The following PTGES3 variants were observed in gnomAD, a reference collection of about 807,000 sequenced individuals.
PTGES3 encodes the protein Hsp90 co-chaperone.
In PTGES3, 5 loss-of-function variants were observed where a neutral mutation model predicts 29.9. The ratio of observed to expected loss-of-function variants is 0.17; its 90% CI spans 0.09 to 0.35. The LOEUF (loss-of-function observed/expected upper bound fraction) is 0.35, where lower values mean the gene tolerates loss of function less well. PTGES3 is among the 10% of genes least tolerant of loss of function. PTGES3 has a pLI of 1.00. For missense variants in PTGES3, 128 were observed against 190.0 expected (o/e 0.67, Z 1.92); for synonymous variants, 49 against 57.8 (o/e 0.85, Z 0.69).
chr12:56,666,502 G>T (rs911655927), intron 5 of PTGES3, among the ~76,000 whole-genome samples: 4 of 152,176 alleles, frequency 2.6e-5, no homozygotes, highest in Admixed American at 6.6e-5. Flanking sequence ...AGCTATTCAT[G>T]CAACAGGTTT....
chr12:56,669,635 C>A (rs536219952), intron 5 of PTGES3, among the ~76,000 whole-genome samples: 13 of 152,046 alleles, frequency 8.6e-5, no homozygotes, highest in Admixed American at 3.9e-4. Context: ...ATTTATTTGA[C>A]CGAGTCCCGC....
At chr12:56,667,683 G>C (rs959259155) in intron 5 of PTGES3, among the ~76,000 whole-genome samples, 1 of 152,214 alleles carries the variant, frequency 6.6e-6, no homozygotes, top group African/African-American at 2.4e-5. Context: ...GAGCTGGGGG[G>C]AAGGAAAATG....
chr12:56,669,047 T>C (rs1951894839), intron 5 of PTGES3, among the ~76,000 whole-genome samples: 1 of 141,800 alleles, frequency 7.1e-6, no homozygotes, highest in East Asian at 2.1e-4. Context: ...TCTTGCTCTG[T>C]CGCCCAGGCT....
At chr12:56,665,555 T>C in intron 6 of PTGES3, 1 of 985,240 alleles carries the variant, frequency 1.0e-6, no homozygotes, top group Non-Finnish European at 1.2e-6. Flanking sequence ...CGCCTCCCAA[T>C]GTCCATCTGT....
chr12:56,681,259 C>A (rs1158498508), intron 1 of PTGES3, among the ~76,000 whole-genome samples: 1 of 151,862 alleles, frequency 6.6e-6, no homozygotes, highest in Non-Finnish European at 1.5e-5. Flanking sequence ...AAGAATCAGG[C>A]CGGGCGCGGT....
At chr12:56,685,182 A>AT (rs1312328933) in intron 1 of PTGES3, among the ~76,000 whole-genome samples, 1 of 152,190 alleles carries the variant, frequency 6.6e-6, no homozygotes, top group East Asian at 1.9e-4. Context: ...ATGACGACCC[A>AT]TTAAAGGCTT....
At chr12:56,681,104 T>G (rs1952515706) in intron 1 of PTGES3, among the ~76,000 whole-genome samples, 1 of 152,062 alleles carries the variant, frequency 6.6e-6, no homozygotes, top group South Asian at 2.1e-4. Context: ...GTTTTTTTGT[T>G]TGGACAGAGT....
intron 1 of PTGES3, chr12:56,687,618 G>A (rs769660073): frequency 1.8e-6 from 2 of 1,117,270 alleles, no homozygotes; most frequent in Non-Finnish European, 1.1e-6. Flanking sequence ...CAACAGAACC[G>A]GAGCGCCCAA....
intron 5 of PTGES3, among the ~76,000 whole-genome samples, chr12:56,670,067 C>A (rs1392680300): frequency 1.3e-5 from 2 of 151,216 alleles, no homozygotes; most frequent in African/African-American, 4.9e-5. Flanking sequence ...GTAGCTAACA[C>A]TAATTCCTTT....
rs1952977371 is a variant in PTGES3, at chr12:56,688,151, G to A, written c.-152C>T. On this transcript the variant is annotated 5_prime_UTR_variant, in exon 1 of 8. Transcript: ENST00000262033. The stretch of plus-strand genomic sequence containing the variant: ...TCCCTCAGGCGACGGCGGCAGCGGC[G>A]GGCTCGACCTCGGGCCCCAGAATGC... 6.6e-6 allele frequency: 9 copies of A among 1,355,936 alleles called. No homozygotes were observed. Among genetic ancestry groups the A allele is most frequent in the South Asian group, 3.2e-5 (2 of 63,074 alleles). The allele number at this position is 1,355,936 out of a possible 1,614,324, so 84.0% of individuals were successfully genotyped here.
chr12:56,669,379 G>GT (rs1008984173), intron 5 of PTGES3, among the ~76,000 whole-genome samples: 8 of 152,118 alleles, frequency 5.3e-5, no homozygotes, highest in Non-Finnish European at 1.2e-4. Flanking sequence ...CGCCTTCTGG[G>GT]TTCACGCGAT....
chr12:56,683,473 C>CAAAAAAAAAAAAAAAAAAAAAAAAA lies in PTGES3; in HGVS notation c.2+4500_2+4524dup, dbSNP rs71081388. On this transcript the variant is annotated intron_variant, in intron 1 of 7. Transcript: ENST00000262033. ...GGGCAACAAGAGAGAAACTCTGTCT[C>CAAAAAAAAAAAAAAAAAAAAAAAAA]AAAAAAAAAAAAAAAAAAAAAAAAA... is the stretch of plus-strand genomic sequence containing the variant. 1.7e-4 allele frequency among the ~76,000 whole-genome samples: 5 copies of CAAAAAAAAAAAAAAAAAAAAAAAAA among 29,750 alleles called. 2 individuals are homozygous for CAAAAAAAAAAAAAAAAAAAAAAAAA. The highest frequency in any genetic ancestry group is 2.5e-4 in the Non-Finnish European group (4 of 15,978). 19.5% of individuals were successfully genotyped at this position (29,750 alleles called of 152,430 possible). A position where few individuals can be genotyped will look rare whatever the true frequency, so the allele number is the denominator to read the frequency against.
chr12:56,675,635 CAG>C (rs1952205092), intron 1 of PTGES3, among the ~76,000 whole-genome samples: 1 of 151,536 alleles, frequency 6.6e-6, no homozygotes, highest in Admixed American at 6.6e-5. Context: ...AAACTACAAA[CAG>C]GGCCGAGTGC....
At chr12:56,681,818 T>C (rs919879234) in intron 1 of PTGES3, among the ~76,000 whole-genome samples, 34 of 146,492 alleles carry the variant, frequency 2.3e-4, no homozygotes, top group Non-Finnish European at 3.3e-4. Context: ...AATCACACCA[T>C]TGCACTCCAG....
chr12:56,679,700 CTG>C (rs541394426), intron 1 of PTGES3, among the ~76,000 whole-genome samples: 117 of 152,134 alleles, frequency 7.7e-4, no homozygotes, highest in African/African-American at 2.5e-3. Flanking sequence ...GAGTCTCACT[CTG>C]TCACCCCGGA....
rs1305970513 is a variant in PTGES3 at position 56,678,907 on chromosome 12, A to G, written c.3-5842T>C. 2.0e-5 allele frequency among the ~76,000 whole-genome samples: 3 copies of G among 152,180 alleles called. No individual in the cohort carries two copies. In the East Asian group the frequency reaches 5.8e-4, roughly 29 times the overall value. Reference sequence around the variant, plus strand: ...CAAGGTGAGAGTATCATTTTGGGCCAGGAGTTCAAGACCAGCCTGGGCAAC... The same window carrying G: ...CAAGGTGAGAGTATCATTTTGGGCCGGGAGTTCAAGACCAGCCTGGGCAAC... On this transcript the variant is annotated intron_variant, in intron 1 of 7. Coordinates refer to ENST00000262033, the MANE Select transcript of PTGES3 (RefSeq NM_006601.7).
intron 1 of PTGES3, among the ~76,000 whole-genome samples, chr12:56,685,386 CATTTT>C (rs1474674258): frequency 1.1e-4 from 15 of 136,352 alleles, no homozygotes; most frequent in African/African-American, 4.2e-4. Context: ...TTGAAGGTAG[CATTTT>C]TTCTTTTCTT....
intron 1 of PTGES3, among the ~76,000 whole-genome samples, chr12:56,683,967 A>AC (rs1356599137): frequency 6.9e-6 from 1 of 145,864 alleles, no homozygotes; most frequent in Non-Finnish European, 1.6e-5. Flanking sequence ...CAAAAAAAAA[A>AC]AAAACAAAAA....
At chr12:56,667,472 A>G (rs1238113959) in intron 5 of PTGES3, among the ~76,000 whole-genome samples, 1 of 152,244 alleles carries the variant, frequency 6.6e-6, no homozygotes. Flanking sequence ...TCAGCCTAAA[A>G]GTATCATTCA....
Sources: allele counts gnomAD v4.1 joint callset (sites outside exome capture counted in the v4.1 genomes callset), GRCh38; gene constraint gnomAD v4.1.1; transcripts MANE v1.5; gene names NCBI Gene and HGNC (gene_info 2026-07-23, HGNC 2026-07-21).